The following NEXMIF variants were observed in gnomAD, a reference collection of about 807,000 sequenced individuals.
NEXMIF encodes the protein neurite extension and migration factor, also known as XLMR protein related to neurite extension.
NEXMIF carries 8 observed loss-of-function variants against 62.1 expected under a neutral mutation model. The ratio of observed to expected loss-of-function variants is 0.13; its 90% CI spans 0.08 to 0.23. The LOEUF (loss-of-function observed/expected upper bound fraction) is 0.23, where lower values mean the gene tolerates loss of function less well. Among genes scored for constraint, NEXMIF ranks in the 10% least tolerant of loss-of-function variants. NEXMIF has a pLI of 1.00. For synonymous variants in NEXMIF, 404 were observed against 416.6 expected, an observed-to-expected ratio of 0.97 and a Z score of 0.37; for missense variants, 976 against 1,113.3, an observed-to-expected ratio of 0.88 and a Z score of 1.75.
chrX:74,762,334 G>T (rs1402722945), intron 1 of NEXMIF, among the ~76,000 whole-genome samples: 1 of 111,329 alleles, frequency 9.0e-6, no homozygotes, highest in Non-Finnish European at 1.9e-5. Flanking sequence ...TGGTGTATAT[G>T]TGCCACATTA....
chrX:74,782,034 C>T (rs1170447764), intron 1 of NEXMIF, among the ~76,000 whole-genome samples: 3 of 111,899 alleles, frequency 2.7e-5, no homozygotes, highest in African/African-American at 9.7e-5. Flanking sequence ...ATCTGAAGGG[C>T]TGGATGGTAG....
intron 1 of NEXMIF, among the ~76,000 whole-genome samples, chrX:74,886,227 G>T (rs2080692475): frequency 8.9e-6 from 1 of 111,750 alleles, no homozygotes; most frequent in Non-Finnish European, 1.9e-5. Context: ...CATTCCCTTT[G>T]AAAACTGGCA....
At chrX:74,920,740 T>C (rs2080824082) in intron 1 of NEXMIF, among the ~76,000 whole-genome samples, 1 of 112,102 alleles carries the variant, frequency 8.9e-6, no homozygotes, top group South Asian at 3.7e-4. Context: ...GGTTTTCTTC[T>C]AGGGTTTTTA....
chrX:74,841,987 G>T (rs1356935828), intron 1 of NEXMIF, among the ~76,000 whole-genome samples: 1 of 111,707 alleles, frequency 9.0e-6, no homozygotes, highest in Non-Finnish European at 1.9e-5. Flanking sequence ...GATGATGCTG[G>T]CCTCACAGGA....
At chrX:74,885,370 A>C (rs1366377289) in intron 1 of NEXMIF, among the ~76,000 whole-genome samples, 1 of 111,771 alleles carries the variant, frequency 8.9e-6, no homozygotes, top group Admixed American at 9.5e-5. Context: ...TGGTTTTTTG[A>C]AAAGATCAAC....
intron 1 of NEXMIF, among the ~76,000 whole-genome samples, chrX:74,791,000 C>A (rs1200387451): frequency 1.8e-5 from 2 of 110,832 alleles, no homozygotes; most frequent in African/African-American, 6.6e-5. Context: ...CTGGCCAGAA[C>A]TTCCAACACT....
At chrX:74,879,618 A>T (rs776070068) in intron 1 of NEXMIF, among the ~76,000 whole-genome samples, 13 of 111,717 alleles carry the variant, frequency 1.2e-4, no homozygotes, top group Non-Finnish European at 1.9e-4. Context: ...AGTAAAGACC[A>T]CTCCCATTTC....
intron 1 of NEXMIF, among the ~76,000 whole-genome samples, chrX:74,859,513 G>A (rs779555522): frequency 2.1e-4 from 23 of 111,455 alleles, no homozygotes; most frequent in Non-Finnish European, 3.8e-4. Flanking sequence ...GCTAAATGGA[G>A]TACTTCAATC....
intron 1 of NEXMIF, among the ~76,000 whole-genome samples, chrX:74,784,375 T>C (rs918702474): frequency 9.0e-6 from 1 of 111,423 alleles, no homozygotes; most frequent in African/African-American, 3.3e-5. Flanking sequence ...GTGAAACTGA[T>C]GAGGGACAGA....
At position 74,742,056 on chromosome X, in the gene NEXMIF, C is replaced by A; in HGVS notation, c.2501G>T (p.Ser834Ile). 8.3e-7 allele frequency: 1 copy of A among 1,211,614 alleles called. No homozygotes were observed. Among genetic ancestry groups the A allele is most frequent in the Non-Finnish European group, 1.1e-6 (1 of 895,474 alleles). The change falls in exon 3 of 4, where the codon AGC (serine) becomes ATC (isoleucine). Residue 834 changes from serine (S) to isoleucine (I), a missense_variant. By Grantham distance (142) the Ser-to-Ile change is moderately radical. Coordinates refer to ENST00000055682, the MANE Select transcript of NEXMIF (RefSeq NM_001008537.3). Reference protein sequence around the residue: ...LSNNTSISYFSHHSPEQNEGS... With the variant: ...LSNNTSISYFIHHSPEQNEGS... ...TTCATTTTGCTCTGGAGAATGGTGG[C>A]TGAAGTATGAGATACTAGTGTTATT...
At chrX:74,816,655 G>A (rs2080376985) in intron 1 of NEXMIF, among the ~76,000 whole-genome samples, 1 of 111,756 alleles carries the variant, frequency 8.9e-6, no homozygotes, top group Admixed American at 9.5e-5. Flanking sequence ...TTATGCTTAA[G>A]TGCATCCCCT....
At chrX:74,868,018 GA>G (rs767886644) in intron 1 of NEXMIF, among the ~76,000 whole-genome samples, 6 of 111,835 alleles carry the variant, frequency 5.4e-5, no homozygotes, top group Non-Finnish European at 9.4e-5. Context: ...CAAGAGACAT[GA>G]AAAAAAGCTC....
At chrX:74,865,480 C>T (rs992483713) in intron 1 of NEXMIF, among the ~76,000 whole-genome samples, 1 of 111,966 alleles carries the variant, frequency 8.9e-6, no homozygotes, top group African/African-American at 3.2e-5. Context: ...AAACTTGCAG[C>T]CTGCCAAGAA....
rs1193821356 is a variant in NEXMIF at position 74,834,857 on chromosome X, A to G, written c.-47-89160T>C. ...GCTGATATATTTCCGTAGGTTTGGG[A>G]AGTTCTTTGATATTATCCCCCTGAA... On this transcript the variant is annotated intron_variant, in intron 1 of 3. Coordinates refer to ENST00000055682, the MANE Select transcript of NEXMIF (RefSeq NM_001008537.3). Among the ~76,000 whole-genome samples, 4 of 111,236 alleles carry G rather than the reference A, an allele frequency of 3.6e-5. No individual in the cohort carries two copies. The East Asian group carries it at 1.1e-3, about 32-fold the overall frequency.
chrX:74,838,140 A>G (rs2080463088), intron 1 of NEXMIF, among the ~76,000 whole-genome samples: 1 of 111,673 alleles, frequency 9.0e-6, no homozygotes, highest in Non-Finnish European at 1.9e-5. Context: ...ACAAATTTTT[A>G]TTAAAAGAAT....
chrX:74,764,384 G>C (rs2080188203), intron 1 of NEXMIF, among the ~76,000 whole-genome samples: 1 of 111,591 alleles, frequency 9.0e-6, no homozygotes, highest in South Asian at 3.8e-4. Context: ...ATTTTATTGA[G>C]GATTTTTGAA....
intron 1 of NEXMIF, among the ~76,000 whole-genome samples, chrX:74,919,461 G>C (rs1221054127): frequency 9.0e-6 from 1 of 111,052 alleles, no homozygotes; most frequent in Non-Finnish European, 1.9e-5. Context: ...CTTATACTAA[G>C]GTGATCACAA....
chrX:74,770,601 A>G (rs1252685154), intron 1 of NEXMIF, among the ~76,000 whole-genome samples: 2 of 112,183 alleles, frequency 1.8e-5, no homozygotes, highest in Non-Finnish European at 3.8e-5. Flanking sequence ...GTGCAACCAT[A>G]CTAGTACTTT....
chrX:74,921,824 A>G (rs1290102466), intron 1 of NEXMIF, among the ~76,000 whole-genome samples: 2 of 111,860 alleles, frequency 1.8e-5, no homozygotes, highest in African/African-American at 3.2e-5. Context: ...CTTCCCTTTC[A>G]TCCACTTTGG....
Sources: allele counts gnomAD v4.1 joint callset (sites outside exome capture counted in the v4.1 genomes callset), GRCh38; gene constraint gnomAD v4.1.1; transcripts MANE v1.5; gene names NCBI Gene and HGNC (gene_info 2026-07-23, HGNC 2026-07-21).